LPIN1: variants seen among roughly 807,000 people sequenced by gnomAD.
LPIN1 encodes phosphatidate phosphatase LPIN1.
In LPIN1, 71 loss-of-function variants were observed where a neutral mutation model predicts 107.5. The ratio of observed to expected loss-of-function variants is 0.66; its 90% CI spans 0.55 to 0.80. The LOEUF (loss-of-function observed/expected upper bound fraction) is 0.80, where lower values mean the gene tolerates loss of function less well. LPIN1 is among the 30% of genes least tolerant of loss of function. The pLI is 0.00. For missense variants in LPIN1, 1,043 were observed against 1,160.6 expected, an observed-to-expected ratio of 0.90 and a Z score of 1.47; for synonymous variants, 445 against 452.6, an observed-to-expected ratio of 0.98 and a Z score of 0.21.
exon 1 of LPIN1, chr2:11,677,636 A>T (rs1218369723): frequency 6.5e-7 from 1 of 1,533,056 alleles, no homozygotes; most frequent in Admixed American, 2.0e-5. Context: ...ACAGCACCAT[A>T]CAGGGCGGGC....
chr2:11,793,845 A>G lies in LPIN1; in HGVS notation c.1807-1563A>G, dbSNP rs542141950. The stretch of plus-strand genomic sequence containing the variant: ...TTCTGTCTAGACCCGAAACTTCATG[A>G]GGCAGAGACCATATATGGCTTTGAT... On this transcript the variant is annotated intron_variant, in intron 13 of 20. Coordinates refer to ENST00000674199, the MANE Select transcript of LPIN1 (RefSeq NM_001349206.2). 2.0e-5 allele frequency among the ~76,000 whole-genome samples: 3 copies of G among 152,304 alleles called. No individual in the cohort carries two copies. In the South Asian group the frequency reaches 6.2e-4, roughly 32 times the overall value.
chr2:11,721,439 G>C (rs942555028), upstream of LPIN1, among the ~76,000 whole-genome samples: 1 of 151,994 alleles, frequency 6.6e-6, no homozygotes, highest in African/African-American at 2.4e-5. Flanking sequence ...TGTAAGGACC[G>C]AGTTCCCCAG....
chr2:11,784,028 G>T (rs966360301), intron 9 of LPIN1, 106 bp downstream of exon 9: 1 of 1,583,436 alleles, frequency 6.3e-7, no homozygotes, highest in Admixed American at 1.7e-5. Context: ...AAGACAGCTG[G>T]GCGCGGTGGC....
chr2:11,713,302 A>C (rs971702498), intron 1 of LPIN1, among the ~76,000 whole-genome samples: 1 of 152,098 alleles, frequency 6.6e-6, no homozygotes, highest in Non-Finnish European at 1.5e-5. Context: ...ATGGATTTTC[A>C]CTCTTTTGCT....
rs960870308 is a variant in LPIN1, at chr2:11,803,359, G to C, written c.2013+326G>C. Among the ~76,000 whole-genome samples the C allele has an allele frequency of 8.6e-5, 13 of 151,958 alleles. 1 individual carries two copies. The highest frequency in any genetic ancestry group is 2.4e-4 in the African/African-American group (10 of 41,366). ...CAGATAGACTTGAAAATCACTCAAG[G>C]GTGTTTTTGCTTCAAGAGAGAGATG... On this transcript the variant is annotated intron_variant, in intron 15 of 20. Transcript: ENST00000674199. The surrounding 1 kb of genome is among the most constrained non-coding windows in gnomAD (Gnocchi z 4.2).
At chr2:11,818,043 T>G (rs773774345) in intron 18 of LPIN1, 3 of 152,112 alleles carry the variant, frequency 2.0e-5, no homozygotes, top group Non-Finnish European at 4.4e-5. Context: ...TTTTGGGGCT[T>G]TCTGTTTTGT....
At chr2:11,792,153 A>G (rs1489617648) in intron 13 of LPIN1, 147 bp downstream of exon 13, 2 of 716,080 alleles carry the variant, frequency 2.8e-6, no homozygotes, top group Non-Finnish European at 4.8e-6. Context: ...AAGTAGGGCG[A>G]GTGCTCGTGG....
intron 1 of LPIN1, among the ~76,000 whole-genome samples, chr2:11,728,811 T>C (rs1264846721): frequency 2.6e-5 from 4 of 152,224 alleles, no homozygotes; most frequent in Non-Finnish European, 5.9e-5. Context: ...AAATACTTTT[T>C]AGTGATTGCT....
chr2:11,802,842 A>T, intron 14 of LPIN1, 65 bp from the exon 15 acceptor site: 1 of 1,583,208 alleles, frequency 6.3e-7, no homozygotes, highest in East Asian at 2.2e-5. Context: ...ATTAAAGGCT[A>T]ATGCATTTTT....
intron 1 of LPIN1, among the ~76,000 whole-genome samples, chr2:11,678,872 T>C (rs1461467710): frequency 3.9e-5 from 6 of 152,168 alleles, no homozygotes; most frequent in Admixed American, 3.9e-4. Context: ...CTCTACATGA[T>C]GGGGACAGGA....
intron 1 of LPIN1, among the ~76,000 whole-genome samples, chr2:11,751,204 G>T (rs1367875351): frequency 6.6e-6 from 1 of 152,158 alleles, no homozygotes; most frequent in South Asian, 2.1e-4. Flanking sequence ...AGCGCTGGAG[G>T]AGCTGAGTGA....
intron 8 of LPIN1, among the ~76,000 whole-genome samples, chr2:11,783,292 A>G (rs4129757): frequency 0.66 from 100,876 of 152,112 alleles, 35,568 homozygotes; most frequent in African/African-American, 0.89. Context: ...AGCTTTTATC[A>G]TTTCATAATA....
intron 18 of LPIN1, 90 bp downstream of exon 18, chr2:11,815,330 A>G (rs1334904503): frequency 3.4e-6 from 5 of 1,461,232 alleles, no homozygotes; most frequent in South Asian, 1.2e-5. Context: ...TAGCCTCCTC[A>G]CTGGTCTTCT....
At position 11,803,528 on chromosome 2, in the gene LPIN1, C is replaced by T. The variant is rs1298352967; in HGVS notation, c.2013+495C>T. On this transcript the variant is annotated intron_variant, in intron 15 of 20. Coordinates refer to ENST00000674199, the MANE Select transcript of LPIN1 (RefSeq NM_001349206.2). The surrounding 1 kb of genome is among the most constrained non-coding windows in gnomAD (Gnocchi z 4.2). ...TGTGAGACCAGTTTTAATTAAAAGCCCTTTCTTGGATCCCGTTGGTCATGG... is the reference window on the plus strand; with the variant it reads ...TGTGAGACCAGTTTTAATTAAAAGCTCTTTCTTGGATCCCGTTGGTCATGG... Among the ~76,000 whole-genome samples the T allele has an allele frequency of 1.3e-5, 2 of 152,134 alleles. No individual in the cohort carries two copies. Among genetic ancestry groups the T allele is most frequent in the Non-Finnish European group, 2.9e-5 (2 of 68,018 alleles).
chr2:11,692,209 C>G (rs1028904917), intron 1 of LPIN1, among the ~76,000 whole-genome samples: 8 of 152,144 alleles, frequency 5.3e-5, no homozygotes, highest in Admixed American at 6.5e-5. Flanking sequence ...TCTGTCCTTA[C>G]TGCCCCAGGG....
intron 18 of LPIN1, chr2:11,817,250 A>T (rs1680730426): frequency 6.6e-6 from 1 of 152,166 alleles, no homozygotes; most frequent in African/African-American, 2.4e-5. Flanking sequence ...TTGAATTAGG[A>T]TGAAGGAGGG....
intron 1 of LPIN1, among the ~76,000 whole-genome samples, chr2:11,763,963 T>TTGTGTGTGTGTG (rs1309608635): frequency 4.6e-5 from 4 of 87,604 alleles, no homozygotes; most frequent in Non-Finnish European, 7.2e-5. Context: ...ACATATATTT[T>TTGTGTGTGTGTG]AGTGTGTGTG....
chr2:11,753,729 T>C (rs1310773193), intron 1 of LPIN1, among the ~76,000 whole-genome samples: 1 of 152,244 alleles, frequency 6.6e-6, no homozygotes, highest in Non-Finnish European at 1.5e-5. Flanking sequence ...CTGAAAAGAC[T>C]TCCTCTTTGC....
At chr2:11,750,841 C>A (rs1667683472) in intron 1 of LPIN1, among the ~76,000 whole-genome samples, 1 of 152,172 alleles carries the variant, frequency 6.6e-6, no homozygotes, top group Non-Finnish European at 1.5e-5. Context: ...ATATGCCCAC[C>A]TCCCAATTGC....
Sources: gnomAD v4.1 joint callset for allele counts (sites outside exome capture counted in the v4.1 genomes callset) on GRCh38, gnomAD v4.1.1 for gene constraint, Gnocchi (gnomAD v3.1) non-coding constraint, MANE v1.5 for transcripts, NCBI Gene and HGNC (gene_info 2026-07-23, HGNC 2026-07-21) for gene names.